The following FLRT3 variants were observed in gnomAD, a reference collection of about 807,000 sequenced individuals.
The protein encoded by FLRT3 is fibronectin leucine rich transmembrane protein 3.
FLRT3 carries 17 observed loss-of-function variants against 42.6 expected under a neutral mutation model. That is an observed-to-expected ratio of 0.40 (90% confidence interval 0.27 to 0.60). FLRT3 has a LOEUF of 0.60. Ranked by LOEUF, FLRT3 falls within the 20% of genes least tolerant of loss-of-function variation. The pLI, the probability that FLRT3 is intolerant of heterozygous loss-of-function variation, is 0.44. For missense variants in FLRT3, 635 were observed against 789.2 expected, an observed-to-expected ratio of 0.80 and a Z score of 2.34; for synonymous variants, 279 against 286.4, an observed-to-expected ratio of 0.97 and a Z score of 0.26.
rs1306962712 is a variant in FLRT3, at chr20:14,326,168, G to A, written c.1339C>T (p.Pro447Ser). The A allele has an allele frequency of 6.2e-7, 1 of 1,613,834 alleles. No individual in the cohort carries two copies. The highest frequency in any genetic ancestry group is 1.1e-5 in the South Asian group (1 of 91,076). Reference sequence around the variant, plus strand: ...GTTTCTGTTATAGATCCAAATGCCGGGCTATGGCCCAGTTTAAGCCAGCTG... The same window carrying A: ...GTTTCTGTTATAGATCCAAATGCCGAGCTATGGCCCAGTTTAAGCCAGCTG... ...RLSWLKLGHSPAFGSITETIV... is the reference protein window; with the variant it reads ...RLSWLKLGHSSAFGSITETIV... Residue 447 changes from proline to serine, a missense_variant, in exon 3 of 3, where the codon CCG (proline) becomes TCG (serine). Transcript: ENST00000341420. This position sits in a 1 kb window ranked among gnomAD's most constrained non-coding sequence, Gnocchi z 5.5.
chr20:14,334,267 T>G (rs1258395725), intron 1 of FLRT3, among the ~76,000 whole-genome samples: 1 of 152,198 alleles, frequency 6.6e-6, no homozygotes, highest in Non-Finnish European at 1.5e-5. Flanking sequence ...CCAAATTGAG[T>G]GATGTCGATC....
At chr20:14,330,364 T>C (rs1278264256) in intron 1 of FLRT3, among the ~76,000 whole-genome samples, 2 of 152,012 alleles carry the variant, frequency 1.3e-5, no homozygotes, top group African/African-American at 2.4e-5. Flanking sequence ...GTAGGGAACA[T>C]TTGAGTATCC....
chr20:14,327,061 G>A lies in FLRT3; in HGVS notation c.446C>T (p.Ala149Val). Reference protein sequence around the residue: ...SVSAVSIEEGAFRDSNYLRLL... With the variant: ...SVSAVSIEEGVFRDSNYLRLL... ...TCGGAGATAGTTGCTGTCTCGGAAT[G>A]CTCCCTCTTCTATGCTAACTGCAGA... The change falls in exon 3 of 3, where the codon GCA becomes GTA. Residue 149 changes from alanine to valine, a missense_variant. By Grantham distance (64) the Ala-to-Val change is moderately conservative. Coordinates refer to ENST00000341420, the MANE Select transcript of FLRT3 (RefSeq NM_198391.3). 6.2e-7 allele frequency: 1 copy of A among 1,613,718 alleles called. No individual in the cohort carries two copies. Among genetic ancestry groups the A allele is most frequent in the Non-Finnish European group, 8.5e-7 (1 of 1,179,786 alleles).
chr20:14,325,564 T>A lies in FLRT3; in HGVS notation c.1943A>T (p.His648Leu). The change falls in exon 3 of 3, where the codon CAC becomes CTC. Residue 648 changes from histidine (H) to leucine (L), a missense_variant. Transcript: ENST00000341420. ...GCTGTGAGTCCTTCAGCATCATGAG[T>A]GTGAGTGATCTGAGTCTGGAATACC... ...DSGIPDSDHS[H>L]S 4 of 1,608,830 alleles carry A rather than the reference T, an allele frequency of 2.5e-6. No homozygotes were observed. The highest frequency in any genetic ancestry group is 3.4e-6 in the Non-Finnish European group (4 of 1,177,006).
In FLRT3 at chr20:14,326,111, C is replaced by T. The variant is rs202177618; in HGVS notation, c.1396G>A (p.Val466Ile). 6.2e-7 allele frequency: 1 copy of T among 1,613,854 alleles called. No individual in the cohort carries two copies. Among genetic ancestry groups the T allele is most frequent in the Non-Finnish European group, 8.5e-7 (1 of 1,179,854 alleles). The change falls in exon 3 of 3, where the codon GTC becomes ATC. Residue 466 changes from valine to isoleucine, a missense_variant. Val to Ile is a conservative substitution (Grantham distance 29). Transcript: ENST00000341420. The surrounding 1 kb of genome is among the most constrained non-coding windows in gnomAD (Gnocchi z 5.5). ...GGTGAATCAGGCTCCAGGGCTGTGA[C>T]CAAGTACTCACTGCGTTCCCCTGTT... ...IVTGERSEYL[V>I]TALEPDSPYK...
chr20:14,336,750 A>G lies in FLRT3; in HGVS notation c.-247+654T>C, dbSNP rs143316295. On this transcript the variant is annotated intron_variant, in intron 1 of 2. Coordinates refer to ENST00000341420, the MANE Select transcript of FLRT3 (RefSeq NM_198391.3). ...CCTAAGCAATGGATTTTGGTGTTCT[A>G]TTGAAGAGGGAATATGGTTTGGAAG... Among the ~76,000 whole-genome samples, 318 of 152,306 alleles carry G rather than the reference A, an allele frequency of 2.1e-3. 2 individuals are homozygous for G. Among genetic ancestry groups the G allele is most frequent in the Admixed American group, 8.1e-3 (123 of 15,276 alleles).
intron 1 of FLRT3, among the ~76,000 whole-genome samples, chr20:14,336,990 T>G (rs895602571): frequency 5.3e-5 from 8 of 152,236 alleles, no homozygotes; most frequent in African/African-American, 1.7e-4. Context: ...TGAGGGATTA[T>G]TGATTTTCTT....
chr20:14,331,429 A>G (rs1191138625), intron 1 of FLRT3, among the ~76,000 whole-genome samples: 1 of 152,114 alleles, frequency 6.6e-6, no homozygotes, highest in Non-Finnish European at 1.5e-5. Context: ...TGCCATTCAT[A>G]CAATAGTGGT....
intron 1 of FLRT3, among the ~76,000 whole-genome samples, chr20:14,332,378 C>G (rs975070624): frequency 5.3e-5 from 8 of 152,082 alleles, no homozygotes; most frequent in African/African-American, 1.4e-4. Context: ...TTGCGGCAAT[C>G]TACATGTTTA....
Position 14,324,703 on chromosome 20 carries a change from G to T in FLRT3, c.*854C>A, listed in dbSNP as rs1265101376. On this transcript the variant is annotated 3_prime_UTR_variant, in exon 3 of 3. Coordinates refer to ENST00000341420, the MANE Select transcript of FLRT3 (RefSeq NM_198391.3). ...AATTCACTTTTCAAAAATCAGGATG[G>T]TATAGGCAAAACCAAAATGCAGTTT... is the stretch of plus-strand genomic sequence containing the variant. 2 of 152,044 alleles carry T rather than the reference G, an allele frequency of 1.3e-5. No individual in the cohort carries two copies. Among genetic ancestry groups the T allele is most frequent in the Non-Finnish European group, 2.9e-5 (2 of 68,018 alleles). 9.4% of individuals were successfully genotyped at this position (152,044 alleles called of 1,614,324 possible).
chr20:14,326,581 C>A lies in FLRT3; in HGVS notation c.926G>T (p.Cys309Phe). ...QLILRNNPWYCGCKMKWVRDW... is the reference protein window; with the variant it reads ...QLILRNNPWYFGCKMKWVRDW... ...ACGTACCCATTTCATCTTGCACCCG[C>A]AATACCAGGGATTGTTGCGAAGAAT... The change falls in exon 3 of 3, where the codon TGC becomes TTC. Residue 309 changes from cysteine (C) to phenylalanine (F), a missense_variant. Physicochemically the swap from Cys to Phe is radical, Grantham distance 205 (BLOSUM62 -2). Coordinates refer to ENST00000341420, the MANE Select transcript of FLRT3 (RefSeq NM_198391.3). The surrounding 1 kb of genome is among the most constrained non-coding windows in gnomAD (Gnocchi z 5.5). The A allele has an allele frequency of 6.2e-7, 1 of 1,613,884 alleles. No individual in the cohort carries two copies. Among genetic ancestry groups the A allele is most frequent in the Non-Finnish European group, 8.5e-7 (1 of 1,179,860 alleles).
intron 1 of FLRT3, among the ~76,000 whole-genome samples, chr20:14,334,449 C>A (rs1258613793): frequency 6.6e-6 from 1 of 152,124 alleles, no homozygotes; most frequent in African/African-American, 2.4e-5. Context: ...TTTTTATGCT[C>A]TGAAGAGAAA....
At chr20:14,336,851 C>T (rs569240391) in intron 1 of FLRT3, among the ~76,000 whole-genome samples, 2 of 152,282 alleles carry the variant, frequency 1.3e-5, no homozygotes, top group Non-Finnish European at 2.9e-5. Context: ...AGCTCAGGCA[C>T]GATAGCAGTG....
Position 14,327,551 on chromosome 20 carries a change from T to A in FLRT3, c.-45A>T. ...TTTATACAAGGTAGCTTCCGTTACT[T>A]CAGAACCCTAAAATGAAGTGAGTAA... On this transcript the variant is annotated 5_prime_UTR_variant, in exon 3 of 3. Transcript: ENST00000341420. The A allele has an allele frequency of 6.5e-7, 1 of 1,545,410 alleles. No homozygotes were observed. Among genetic ancestry groups the A allele is most frequent in the Non-Finnish European group, 8.7e-7 (1 of 1,148,226 alleles).
chr20:14,332,894 G>A (rs2082870470), intron 1 of FLRT3, among the ~76,000 whole-genome samples: 6 of 152,070 alleles, frequency 3.9e-5, no homozygotes, highest in Admixed American at 3.9e-4. Flanking sequence ...ACCTGTGAAT[G>A]CTAAGCCTTT....
At chr20:14,336,701 T>C (rs78863069) in intron 1 of FLRT3, among the ~76,000 whole-genome samples, 7,545 of 152,276 alleles carry the variant, frequency 0.05, 276 homozygotes, top group Non-Finnish European at 0.072. Context: ...AGCCATTTAC[T>C]ATGCTAGTCA....
rs924904919 is a variant in FLRT3 at position 14,324,577 on chromosome 20, G to C, written c.*980C>G. The C allele has an allele frequency of 6.6e-6, 1 of 152,048 alleles. No individual in the cohort carries two copies. Among genetic ancestry groups the C allele is most frequent in the Non-Finnish European group, 1.5e-5 (1 of 67,974 alleles). The allele number at this position is 152,048 out of a possible 1,614,324, so 9.4% of individuals were successfully genotyped here. A position where few individuals can be genotyped will look rare whatever the true frequency, so the allele number is the denominator to read the frequency against. On this transcript the variant is annotated 3_prime_UTR_variant, in exon 3 of 3. Transcript: ENST00000341420. ...AGAACTACTTTCTCTGGATTGTTGAGGGGAATCGCTTATAATTACATTACA... is the reference window on the plus strand; with the variant it reads ...AGAACTACTTTCTCTGGATTGTTGACGGGAATCGCTTATAATTACATTACA...
intron 1 of FLRT3, among the ~76,000 whole-genome samples, chr20:14,331,928 G>A (rs1199869772): frequency 3.9e-5 from 6 of 152,172 alleles, no homozygotes; most frequent in Admixed American, 2.0e-4. Context: ...CTTTCTGTCC[G>A]CCTAGGCTTG....
In FLRT3 at chr20:14,337,602, G is replaced by A. The variant is rs886129243; in HGVS notation, c.-445C>T. ...GGAGTGAGCGAGGGAGAGCATTCCA[G>A]TTTACTGCACACAGCCCACCTCCAA... On this transcript the variant is annotated 5_prime_UTR_variant, in exon 1 of 3. Transcript: ENST00000341420. 3 of 398,448 alleles carry A rather than the reference G, an allele frequency of 7.5e-6. No homozygotes were observed. The highest frequency in any genetic ancestry group is 1.3e-5 in the Non-Finnish European group (3 of 226,068). The allele number at this position is 398,448 out of a possible 1,614,324, so 24.7% of individuals were successfully genotyped here.
Sources: gnomAD v4.1 joint callset for allele counts (sites outside exome capture counted in the v4.1 genomes callset) on GRCh38, gnomAD v4.1.1 for gene constraint, Gnocchi (gnomAD v3.1) non-coding constraint, MANE v1.5 for transcripts, NCBI Gene and HGNC (gene_info 2026-07-23, HGNC 2026-07-21) for gene names.